Variants in DAB1 observed in about 807,000 individuals in gnomAD.
DAB1 encodes the protein DAB adaptor protein 1.
DAB1 carries 15 observed loss-of-function variants against 64.6 expected under a neutral mutation model. The ratio of observed to expected loss-of-function variants is 0.23; its 90% CI spans 0.16 to 0.36. The LOEUF is 0.36. Among genes scored for constraint, DAB1 ranks in the 10% least tolerant of loss-of-function variants. The pLI is 1.00. For synonymous variants in DAB1, 235 were observed against 251.9 expected, an observed-to-expected ratio of 0.93 and a Z score of 0.64; for missense variants, 596 against 706.7, an observed-to-expected ratio of 0.84 and a Z score of 1.78.
chr1:57,985,923 G>C (rs952678756), intron 5 of DAB1, among the ~76,000 whole-genome samples: 1 of 152,138 alleles, frequency 6.6e-6, no homozygotes, highest in Non-Finnish European at 1.5e-5. Flanking sequence ...CCATCTATCA[G>C]GATGTTTTAT....
At chr1:57,598,933 C>T (rs950970690) in intron 7 of DAB1, among the ~76,000 whole-genome samples, 4 of 152,172 alleles carry the variant, frequency 2.6e-5, no homozygotes, top group African/African-American at 9.7e-5. Context: ...ATTCCCCCTT[C>T]CAGGTTCCTG....
At chr1:58,264,482 G>A (rs1661117155) in intron 4 of DAB1, among the ~76,000 whole-genome samples, 1 of 152,210 alleles carries the variant, frequency 6.6e-6, no homozygotes. Context: ...AAGTGTATAT[G>A]GCTCATATAT....
intron 11 of DAB1, 41 bp downstream of exon 11, chr1:57,023,490 G>T (rs1224911822): frequency 1.7e-6 from 2 of 1,190,746 alleles, no homozygotes; most frequent in African/African-American, 3.0e-5. Context: ...CTCTTAATGA[G>T]TGAAGGCCAA....
intron 5 of DAB1, among the ~76,000 whole-genome samples, chr1:57,906,936 GCAGATAGA>G (rs775803633): frequency 0.011 from 1,349 of 121,358 alleles, 17 homozygotes; most frequent in African/African-American, 0.039. Flanking sequence ...AATATAATAT[GCAGATAGA>G]TAGATAGATA....
At chr1:57,288,405 T>C (rs1294335164) in intron 2 of DAB1, among the ~76,000 whole-genome samples, 1 of 152,122 alleles carries the variant, frequency 6.6e-6, no homozygotes, top group Admixed American at 6.5e-5. Context: ...TGAACCCCAG[T>C]GGCATGGTGT....
intron 3 of DAB1, among the ~76,000 whole-genome samples, chr1:58,467,378 G>A (rs1645307405): frequency 6.6e-6 from 1 of 152,074 alleles, no homozygotes; most frequent in Non-Finnish European, 1.5e-5. Flanking sequence ...AATTACTTAG[G>A]CTTTGCCGTC....
intron 5 of DAB1, among the ~76,000 whole-genome samples, chr1:58,108,350 C>G (rs1051457258): frequency 1.3e-5 from 2 of 152,118 alleles, no homozygotes; most frequent in African/African-American, 4.8e-5. Flanking sequence ...CTGGTTGTTA[C>G]TTTCAGTGAG....
chr1:57,405,770 A>G (rs1412564215), intron 1 of DAB1, among the ~76,000 whole-genome samples: 1 of 152,226 alleles, frequency 6.6e-6, no homozygotes, highest in Non-Finnish European at 1.5e-5. Context: ...AACAGGAGAC[A>G]CCTGAAGGAT....
At chr1:57,575,247 C>CT (rs1228625482) in intron 7 of DAB1, among the ~76,000 whole-genome samples, 3 of 152,176 alleles carry the variant, frequency 2.0e-5, no homozygotes, top group Non-Finnish European at 4.4e-5. Flanking sequence ...GTAAATGATG[C>CT]CTTTTAAACC....
At chr1:57,430,137 CA>C (rs780424881) in intron 7 of DAB1, among the ~76,000 whole-genome samples, 1 of 152,068 alleles carries the variant, frequency 6.6e-6, no homozygotes, top group Non-Finnish European at 1.5e-5. Flanking sequence ...GCTTTCTATT[CA>C]TTTGTATCTT....
chr1:57,001,298 G>C (rs1396797201), intron 14 of DAB1, among the ~76,000 whole-genome samples: 2 of 152,124 alleles, frequency 1.3e-5, no homozygotes, highest in African/African-American at 4.8e-5. Context: ...GTTTTTGTTT[G>C]TTTGTTTGTT....
intron 7 of DAB1, among the ~76,000 whole-genome samples, chr1:57,486,407 G>C (rs1644092273): frequency 6.6e-6 from 1 of 152,208 alleles, no homozygotes; most frequent in Non-Finnish European, 1.5e-5. Context: ...GCAAAGTGCT[G>C]TCCTTTGTGG....
At chr1:58,080,614 T>C (rs1649937584) in intron 5 of DAB1, among the ~76,000 whole-genome samples, 1 of 152,212 alleles carries the variant, frequency 6.6e-6, no homozygotes, top group Non-Finnish European at 1.5e-5. Flanking sequence ...AAACAAGAAG[T>C]TAGTCATTAA....
At chr1:57,405,672 C>G (rs1683576565) in intron 1 of DAB1, among the ~76,000 whole-genome samples, 1 of 152,160 alleles carries the variant, frequency 6.6e-6, no homozygotes, top group Admixed American at 6.6e-5. Context: ...ATCAGATGAA[C>G]CTTAACAGCG....
chr1:57,586,660 C>T (rs752989419), intron 7 of DAB1, among the ~76,000 whole-genome samples: 35 of 152,046 alleles, frequency 2.3e-4, no homozygotes, highest in Non-Finnish European at 1.6e-4. Context: ...AGGGAATTAA[C>T]AGAATATCAA....
Position 57,010,713 on chromosome 1 carries a change from A to C in DAB1, c.1650T>G (p.Ser550Arg). Residue 550 changes from serine (S) to arginine (R), a missense_variant, in exon 14 of 15, where the codon AGT (serine) becomes AGG (arginine). Around this residue, in one of 3 missense-constraint regions of DAB1, gnomAD observed 377 missense variants for 400.4 expected, o/e 0.94. Transcript: ENST00000371236. ...PSGEPSGDNI[S>R]PQAGS ...GCGCTATCTAGCTACCGGCCTGTGG[A>C]CTTATATTATCACCACTGGGCTCCC... The C allele has an allele frequency of 6.3e-7, 1 of 1,586,338 alleles. No homozygotes were observed. The highest frequency in any genetic ancestry group is 8.6e-7 in the Non-Finnish European group (1 of 1,162,958).
At chr1:58,521,030 G>A (rs1284852463) in intron 2 of DAB1, among the ~76,000 whole-genome samples, 2 of 152,136 alleles carry the variant, frequency 1.3e-5, no homozygotes, top group Non-Finnish European at 2.9e-5. Flanking sequence ...TGACAAAATT[G>A]ATCACATCCT....
intron 1 of DAB1, among the ~76,000 whole-genome samples, chr1:57,318,827 G>A (rs77213812): frequency 0.014 from 2,136 of 151,526 alleles, 27 homozygotes; most frequent in Non-Finnish European, 0.023. Flanking sequence ...TTACGTTGTG[G>A]TTTCACATTT....
intron 7 of DAB1, among the ~76,000 whole-genome samples, chr1:57,585,305 A>G (rs1217100681): frequency 6.6e-6 from 1 of 151,570 alleles, no homozygotes; most frequent in African/African-American, 2.4e-5. Flanking sequence ...GAACAGTAAG[A>G]GAAACCTTTA....
Sources: allele counts gnomAD v4.1 joint callset (sites outside exome capture counted in the v4.1 genomes callset), GRCh38; gene constraint gnomAD v4.1.1; regional missense constraint gnomAD v4.1.1; transcripts MANE v1.5; gene names NCBI Gene and HGNC (gene_info 2026-07-23, HGNC 2026-07-21).